The following GALNTL5 variants were observed in gnomAD, a reference collection of about 807,000 sequenced individuals.
The protein encoded by GALNTL5 is inactive polypeptide N-acetylgalactosaminyltransferase-like protein 5.
A neutral mutation model predicts 51.0 loss-of-function variants in GALNTL5; 44 were observed. The observed-to-expected ratio is 0.86, with a 90% CI of 0.68 to 1.11. The LOEUF (loss-of-function observed/expected upper bound fraction) is 1.11. Among genes scored for constraint, GALNTL5 ranks in the 50% least tolerant of loss-of-function variants. GALNTL5 has a pLI of 0.00. For missense variants in GALNTL5, 528 were observed against 531.8 expected, an observed-to-expected ratio of 0.99 and a Z score of 0.07; for synonymous variants, 192 against 182.8, an observed-to-expected ratio of 1.05 and a Z score of -0.41.
At chr7:151,998,044 T>C (rs2081521922) in intron 5 of GALNTL5, among the ~76,000 whole-genome samples, 1 of 151,950 alleles carries the variant, frequency 6.6e-6, no homozygotes, top group African/African-American at 2.4e-5. Flanking sequence ...TCTACAAAAA[T>C]TTTTATTAAA....
chr7:151,997,125 A>T (rs2081510465), intron 5 of GALNTL5, among the ~76,000 whole-genome samples: 1 of 152,234 alleles, frequency 6.6e-6, no homozygotes, highest in Non-Finnish European at 1.5e-5. Flanking sequence ...CGTAGCTCCC[A>T]ACTCCAAACT....
At chr7:152,010,176 G>A (rs1166758874) in intron 7 of GALNTL5, among the ~76,000 whole-genome samples, 4 of 151,748 alleles carry the variant, frequency 2.6e-5, no homozygotes, top group Non-Finnish European at 4.4e-5. Context: ...GCAGTGGCAC[G>A]ATCTTGGCTC....
chr7:152,001,551 A>G (rs1290257248), intron 5 of GALNTL5, among the ~76,000 whole-genome samples: 1 of 152,210 alleles, frequency 6.6e-6, no homozygotes, highest in Non-Finnish European at 1.5e-5. Flanking sequence ...GGCCCTTGTC[A>G]AAAATCAATT....
At chr7:152,015,360 CTTT>C (rs202199371) in intron 8 of GALNTL5, among the ~76,000 whole-genome samples, 7 of 132,152 alleles carry the variant, frequency 5.3e-5, no homozygotes, top group Non-Finnish European at 4.8e-5. Context: ...ATGTGCAACT[CTTT>C]TTTTTTTTTT....
chr7:151,960,956 G>C (rs562231116), intron 1 of GALNTL5, among the ~76,000 whole-genome samples: 2 of 152,342 alleles, frequency 1.3e-5, no homozygotes, highest in East Asian at 3.9e-4. Context: ...ACCAAGTTCT[G>C]TCAAGCAGCG....
intron 5 of GALNTL5, among the ~76,000 whole-genome samples, chr7:151,998,824 T>C (rs1426432496): frequency 6.7e-6 from 1 of 148,990 alleles, no homozygotes; most frequent in Non-Finnish European, 1.5e-5. Flanking sequence ...TACACGACAA[T>C]TTCATTTACA....
chr7:152,017,877 GCT>G (rs1563029378), intron 8 of GALNTL5, among the ~76,000 whole-genome samples: 1 of 150,176 alleles, frequency 6.7e-6, no homozygotes, highest in Non-Finnish European at 1.5e-5. Flanking sequence ...ACAGAGTCTT[GCT>G]CTGTCACCCA....
intron 2 of GALNTL5, among the ~76,000 whole-genome samples, chr7:151,968,464 G>T (rs961648372): frequency 5.3e-5 from 8 of 152,166 alleles, no homozygotes; most frequent in African/African-American, 1.9e-4. Context: ...GACTAGGTAG[G>T]TGTGGGCCTG....
Position 151,994,762 on chromosome 7 carries a change from A to ATTTT in GALNTL5, c.658+7493_658+7496dup, listed in dbSNP as rs55666718. Reference sequence around the variant, plus strand: ...CTCTCTATCATCACCCTTACCCCCAATTTTTTTTTTTTTTTGACAGAGTCT... The same window carrying ATTTT: ...CTCTCTATCATCACCCTTACCCCCAATTTTTTTTTTTTTTTTTTTGACAGAGTCT... On this transcript the variant is annotated intron_variant, in intron 5 of 8. Coordinates refer to ENST00000392800, the MANE Select transcript of GALNTL5 (RefSeq NM_145292.4). 2.4e-3 allele frequency among the ~76,000 whole-genome samples: 352 copies of ATTTT among 144,174 alleles called. 1 individual carries two copies. The highest frequency in any genetic ancestry group is 8.6e-3 in the African/African-American group (335 of 38,858). 94.6% of individuals were successfully genotyped at this position (144,174 alleles called of 152,430 possible).
rs73730332 is a variant in GALNTL5, at chr7:152,011,629, C to T, written c.1027-3015C>T. ...CCAGTTTAGACTCCACCCAAGGTTG[C>T]TAAATCTCCTTGGATGCTCTGGTGT... On this transcript the variant is annotated intron_variant, in intron 7 of 8. Transcript: ENST00000392800. Among the ~76,000 whole-genome samples the T allele has an allele frequency of 1.3e-3, 196 of 152,332 alleles. 1 individual carries two copies. The highest frequency in any genetic ancestry group is 4.3e-3 in the African/African-American group (180 of 41,572).
chr7:151,983,433 C>T (rs2081321562), intron 4 of GALNTL5, among the ~76,000 whole-genome samples: 1 of 152,188 alleles, frequency 6.6e-6, no homozygotes, highest in Non-Finnish European at 1.5e-5. Context: ...CCGCCTCAGC[C>T]TCCCAAAGTG....
intron 3 of GALNTL5, among the ~76,000 whole-genome samples, chr7:151,978,378 G>A (rs4726122): frequency 0.41 from 62,502 of 151,592 alleles, 13,041 homozygotes; most frequent in Middle Eastern, 0.49. Context: ...AAAGATTGTC[G>A]TTGTAAGAGT....
intron 3 of GALNTL5, among the ~76,000 whole-genome samples, chr7:151,976,858 G>C (rs1011791432): frequency 1.3e-5 from 2 of 151,932 alleles, no homozygotes; most frequent in Admixed American, 1.3e-4. Context: ...AGTAGAGATG[G>C]GGTTTCACCA....
chr7:151,990,580 C>CAAAAAAAAAAAAAAAGA (rs575658831), intron 5 of GALNTL5, among the ~76,000 whole-genome samples: 1 of 21,658 alleles, frequency 4.6e-5, no homozygotes, highest in Non-Finnish European at 7.8e-5. Flanking sequence ...GACTCCATCT[C>CAAAAAAAAAAAAAAAGA]AAAAAAAAAA....
chr7:152,008,191 A>C (rs2081676497), intron 7 of GALNTL5, among the ~76,000 whole-genome samples: 1 of 151,444 alleles, frequency 6.6e-6, no homozygotes, highest in South Asian at 2.1e-4. Context: ...AGGCAAGTGG[A>C]TTGTTTGAAG....
intron 5 of GALNTL5, 25 bp downstream of exon 5, chr7:151,987,306 G>C: frequency 6.5e-7 from 1 of 1,538,088 alleles, no homozygotes; most frequent in South Asian, 1.3e-5. Context: ...GGGGACAAGA[G>C]CCAGTGACGG....
chr7:151,994,561 C>T (rs984156413), intron 5 of GALNTL5, among the ~76,000 whole-genome samples: 6 of 152,072 alleles, frequency 3.9e-5, no homozygotes, highest in African/African-American at 1.4e-4. Context: ...TCTCTCCCAG[C>T]CTGCCAAGCC....
intron 5 of GALNTL5, among the ~76,000 whole-genome samples, chr7:151,996,989 C>T (rs1289630655): frequency 1.4e-5 from 2 of 145,510 alleles, no homozygotes; most frequent in South Asian, 2.4e-4. Flanking sequence ...TTGATACATA[C>T]GCTATTTGTT....
intron 1 of GALNTL5, among the ~76,000 whole-genome samples, chr7:151,956,964 T>C (rs1399242501): frequency 3.9e-5 from 6 of 151,964 alleles, no homozygotes; most frequent in African/African-American, 1.5e-4. Flanking sequence ...TCCTAGATCT[T>C]ATATGGAGAT....
Sources: gnomAD v4.1 joint callset for allele counts (sites outside exome capture counted in the v4.1 genomes callset) on GRCh38, gnomAD v4.1.1 for gene constraint, MANE v1.5 for transcripts, NCBI Gene and HGNC (gene_info 2026-07-23, HGNC 2026-07-21) for gene names.